CDYL2: variants seen among roughly 807,000 people sequenced by gnomAD.
CDYL2 encodes chromodomain Y-like protein 2.
Under a neutral mutation model 49.4 loss-of-function variants are expected in CDYL2, and 23 were observed. The observed-to-expected ratio is 0.47, with a 90% CI of 0.34 to 0.66. The LOEUF (loss-of-function observed/expected upper bound fraction) is 0.66, where lower values mean the gene tolerates loss of function less well. Among genes scored for constraint, CDYL2 ranks in the 30% least tolerant of loss-of-function variants. The probability of loss-of-function intolerance (pLI) is 0.01; values close to 1 mark genes in which losing one functional copy is unlikely to be tolerated. For synonymous variants in CDYL2, 360 were observed against 268.8 expected (o/e 1.34, Z -3.32); for missense variants, 678 against 656.4 (o/e 1.03, Z -0.36).
At chr16:80,648,505 T>C (rs1567555242) in intron 2 of CDYL2, among the ~76,000 whole-genome samples, 1 of 151,928 alleles carries the variant, frequency 6.6e-6, no homozygotes, top group Non-Finnish European at 1.5e-5. Flanking sequence ...ACAGCCATAA[T>C]AAAAAGTCTC....
chr16:80,709,381 CAAAAAAAA>C (rs11412766), intron 1 of CDYL2, among the ~76,000 whole-genome samples: 1 of 94,004 alleles, frequency 1.1e-5, no homozygotes, highest in Admixed American at 1.1e-4. Context: ...GACTCCATTT[CAAAAAAAA>C]AAAAAAAAGA....
chr16:80,725,269 A>T (rs1027594872), intron 1 of CDYL2, among the ~76,000 whole-genome samples: 1 of 152,214 alleles, frequency 6.6e-6, no homozygotes, highest in South Asian at 2.1e-4. Context: ...GTTTAATGTC[A>T]CTTCCTTGGA....
intron 1 of CDYL2, among the ~76,000 whole-genome samples, chr16:80,704,917 C>A (rs1904354724): frequency 6.6e-6 from 1 of 152,158 alleles, no homozygotes; most frequent in African/African-American, 2.4e-5. Flanking sequence ...ATAAGCCACC[C>A]AGGGGTATGG....
intron 1 of CDYL2, among the ~76,000 whole-genome samples, chr16:80,688,665 T>C (rs1293706118): frequency 2.0e-5 from 3 of 152,202 alleles, no homozygotes; most frequent in Non-Finnish European, 4.4e-5. Flanking sequence ...CATACTTTGA[T>C]CTCCGGCATC....
chr16:80,729,018 C>T (rs534163347), intron 1 of CDYL2, among the ~76,000 whole-genome samples: 3 of 152,022 alleles, frequency 2.0e-5, no homozygotes, highest in East Asian at 3.9e-4. Context: ...TAAAGACCAT[C>T]GAGACTAGGA....
At position 80,720,189 on chromosome 16, in the gene CDYL2, C is replaced by T. The variant is rs75770909; in HGVS notation, c.25-35060G>A. On this transcript the variant is annotated intron_variant, in intron 1 of 6. Transcript: ENST00000570137. Reference sequence around the variant, plus strand: ...CACAGATCCAGGAGGGGAACACTTGCTCAGAGGGCCCTTCTTCCAGTTCCC... The same window carrying T: ...CACAGATCCAGGAGGGGAACACTTGTTCAGAGGGCCCTTCTTCCAGTTCCC... Among the ~76,000 whole-genome samples, 1,164 of 152,248 alleles carry T rather than the reference C, an allele frequency of 7.6e-3. 21 individuals are homozygous for T. The highest frequency in any genetic ancestry group is 0.026 in the African/African-American group (1,083 of 41,544).
chr16:80,650,265 T>C (rs555307210), intron 2 of CDYL2, among the ~76,000 whole-genome samples: 1 of 152,122 alleles, frequency 6.6e-6, no homozygotes, highest in South Asian at 2.1e-4. Context: ...CTCAAACAAC[T>C]CTATTGGAAA....
intron 2 of CDYL2, among the ~76,000 whole-genome samples, chr16:80,653,205 C>A (rs1908660395): frequency 6.6e-6 from 1 of 152,196 alleles, no homozygotes; most frequent in African/African-American, 2.4e-5. Flanking sequence ...ATGGCTCACG[C>A]CTGTAATCCT....
At chr16:80,774,287 A>C (rs11645632) in intron 1 of CDYL2, among the ~76,000 whole-genome samples, 2 of 152,124 alleles carry the variant, frequency 1.3e-5, no homozygotes, top group African/African-American at 4.8e-5. Flanking sequence ...TTATGCTAAT[A>C]AGCCAGGCGC....
intron 1 of CDYL2, among the ~76,000 whole-genome samples, chr16:80,725,715 C>A (rs925246814): frequency 6.6e-6 from 1 of 152,224 alleles, no homozygotes; most frequent in African/African-American, 2.4e-5. Flanking sequence ...TGAAAAAACA[C>A]TTGGCATATT....
intron 2 of CDYL2, among the ~76,000 whole-genome samples, chr16:80,668,084 G>A (rs768923104): frequency 1.3e-5 from 2 of 152,244 alleles, no homozygotes; most frequent in Non-Finnish European, 2.9e-5. Context: ...AGCCAGGTTT[G>A]GCAGGAGCAG....
At chr16:80,633,856 C>A (rs915801186) in intron 2 of CDYL2, among the ~76,000 whole-genome samples, 2 of 152,174 alleles carry the variant, frequency 1.3e-5, no homozygotes, top group Non-Finnish European at 2.9e-5. Flanking sequence ...TTAACATTCA[C>A]AAATGGCCTG....
In CDYL2 at chr16:80,717,149, AGATGGATGGATG is replaced by A. The variant is rs200642445; in HGVS notation, c.25-32032_25-32021del. Among the ~76,000 whole-genome samples the A allele has an allele frequency of 2.7e-4, 37 of 138,028 alleles. No individual in the cohort carries two copies. In the East Asian group the frequency reaches 3.4e-3, roughly 13 times the overall value. 90.6% of individuals were successfully genotyped at this position (138,028 alleles called of 152,430 possible). A position where few individuals can be genotyped will look rare whatever the true frequency, so the allele number is the denominator to read the frequency against. On this transcript the variant is annotated intron_variant, in intron 1 of 6. Transcript: ENST00000570137. ...GAATGGATGGGTGGACTGGATCGAT[AGATGGATGGATG>A]GATGGATGGATGGATGGATGGATGG...
intron 1 of CDYL2, among the ~76,000 whole-genome samples, chr16:80,803,472 G>C (rs1437031528): frequency 1.3e-5 from 2 of 152,014 alleles, no homozygotes; most frequent in Non-Finnish European, 2.9e-5. Flanking sequence ...ACCCGCAAGG[G>C]CCACCCCCAC....
chr16:80,637,802 A>G (rs546114542), intron 2 of CDYL2, among the ~76,000 whole-genome samples: 1 of 152,370 alleles, frequency 6.6e-6, no homozygotes, highest in African/African-American at 2.4e-5. Context: ...GGTGATGGAT[A>G]TCTCAATTAC....
chr16:80,765,112 T>C (rs543186185), intron 1 of CDYL2, among the ~76,000 whole-genome samples: 17 of 145,882 alleles, frequency 1.2e-4, no homozygotes, highest in Admixed American at 1.4e-4. Flanking sequence ...CTAATATATA[T>C]TGTATAACAT....
At chr16:80,659,439 C>T (rs59138080) in intron 2 of CDYL2, among the ~76,000 whole-genome samples, 3,135 of 152,018 alleles carry the variant, frequency 0.021, 90 homozygotes, top group African/African-American at 0.052. Context: ...ATTGCATCAA[C>T]GCAAAATTTC....
chr16:80,749,476 T>C (rs1429874151), intron 1 of CDYL2, among the ~76,000 whole-genome samples: 1 of 152,098 alleles, frequency 6.6e-6, no homozygotes, highest in Non-Finnish European at 1.5e-5. Flanking sequence ...ATTAACCCCC[T>C]ATTTAGTCTG....
At chr16:80,775,182 G>C (rs1907040432) in intron 1 of CDYL2, among the ~76,000 whole-genome samples, 1 of 151,464 alleles carries the variant, frequency 6.6e-6, no homozygotes, top group Non-Finnish European at 1.5e-5. Context: ...TGAAACAGAA[G>C]TCCAAGAAAA....
Sources: gnomAD v4.1 joint callset for allele counts (sites outside exome capture counted in the v4.1 genomes callset) on GRCh38, gnomAD v4.1.1 for gene constraint, MANE v1.5 for transcripts, NCBI Gene and HGNC (gene_info 2026-07-23, HGNC 2026-07-21) for gene names.